Variants in FRK observed in about 807,000 individuals in gnomAD.
FRK encodes fyn related Src family tyrosine kinase.
FRK carries 51 observed loss-of-function variants against 56.4 expected under a neutral mutation model. The ratio of observed to expected loss-of-function variants is 0.90; its 90% CI spans 0.72 to 1.14. The LOEUF is 1.14. Ranked by LOEUF, FRK falls within the 50% of genes most tolerant of loss-of-function variation. The pLI, the probability that FRK is intolerant of heterozygous loss-of-function variation, is 0.00. For missense variants in FRK, 570 were observed against 601.4 expected (o/e 0.95, Z 0.55); for synonymous variants, 245 against 217.9 (o/e 1.12, Z -1.10).
the FRK span, among the ~76,000 whole-genome samples, chr6:116,068,901 C>G: frequency 6.6e-6 from 1 of 151,446 alleles, no homozygotes; most frequent in Non-Finnish European, 1.5e-5. Context: ...ACAAAATAGG[C>G]ACAGTATATC....
the FRK span, among the ~76,000 whole-genome samples, chr6:116,074,318 G>C: frequency 6.6e-6 from 1 of 152,158 alleles, no homozygotes; most frequent in Non-Finnish European, 1.5e-5. Context: ...ACCAGGGACT[G>C]AGGGTCTCCA....
At chr6:116,046,341 T>C (rs1459076214) in intron 1 of FRK, among the ~76,000 whole-genome samples, 2 of 152,228 alleles carry the variant, frequency 1.3e-5, no homozygotes, top group Admixed American at 6.5e-5. Flanking sequence ...CATATGTTTA[T>C]TGCAGCACTG....
At chr6:116,069,345 T>G in the FRK span, among the ~76,000 whole-genome samples, 1 of 152,234 alleles carries the variant, frequency 6.6e-6, no homozygotes, top group Non-Finnish European at 1.5e-5. Context: ...TTCTTACTGT[T>G]CATCTTCAAG....
intron 1 of FRK, among the ~76,000 whole-genome samples, chr6:116,050,269 C>T (rs981905568): frequency 1.3e-5 from 2 of 152,152 alleles, no homozygotes; most frequent in African/African-American, 2.4e-5. Context: ...CAAGTCTCAA[C>T]ACCCACAAAA....
the FRK span, among the ~76,000 whole-genome samples, chr6:116,083,589 G>T: frequency 2.0e-4 from 31 of 152,156 alleles, no homozygotes; most frequent in Non-Finnish European, 1.5e-5. Flanking sequence ...ATCATCTAGA[G>T]GTTTTATTAA....
At chr6:116,004,881 G>A (rs991947622) in intron 1 of FRK, among the ~76,000 whole-genome samples, 3 of 151,972 alleles carry the variant, frequency 2.0e-5, no homozygotes, top group African/African-American at 4.8e-5. Flanking sequence ...CATAAAAATG[G>A]TCATCATCAT....
the FRK span, among the ~76,000 whole-genome samples, chr6:116,075,002 C>G: frequency 6.6e-6 from 1 of 152,140 alleles, no homozygotes; most frequent in Admixed American, 6.5e-5. Flanking sequence ...CTTGTGAGTG[C>G]TCAGAGAGAA....
chr6:115,984,808 T>C (rs1262486705), intron 2 of FRK, among the ~76,000 whole-genome samples: 1 of 151,890 alleles, frequency 6.6e-6, no homozygotes, highest in African/African-American at 2.4e-5. Context: ...AATCACATGA[T>C]CAGTATCCAC....
At chr6:115,968,888 G>C (rs1773695903) in intron 2 of FRK, 149 bp from the exon 3 acceptor site, 1 of 688,076 alleles carries the variant, frequency 1.5e-6, no homozygotes, top group East Asian at 2.8e-5. Flanking sequence ...ATTTAAGAAA[G>C]TTTACAAAGG....
At chr6:116,054,183 T>A (rs533002951) in intron 1 of FRK, among the ~76,000 whole-genome samples, 2 of 151,314 alleles carry the variant, frequency 1.3e-5, no homozygotes, top group African/African-American at 4.8e-5. Context: ...TGAGATGAAA[T>A]TTTTTGATAA....
At position 115,934,332 on chromosome 6, in the gene FRK, A is replaced by G. The variant is rs1315289992; in HGVS notation, c.*8082T>C. ...CAATCAGCACATAACATTCACATTA[A>G]GCCTATTTTTGGTCCATGGCTGGGC... On this transcript the variant is annotated 3_prime_UTR_variant, in exon 8 of 8. Transcript: ENST00000606080. 1.3e-5 allele frequency: 2 copies of G among 152,212 alleles called. No homozygotes were observed. Among genetic ancestry groups the G allele is most frequent in the South Asian group, 4.1e-4 (2 of 4,826 alleles). The allele number at this position is 152,212 out of a possible 1,614,324, so 9.4% of individuals were successfully genotyped here.
At chr6:116,059,902 G>T in intron 1 of FRK, 66 bp downstream of exon 1, 1 of 1,350,924 alleles carries the variant, frequency 7.4e-7, no homozygotes, top group Non-Finnish European at 1.0e-6. Context: ...TAGAGAAGTA[G>T]AAAGGAAAAC....
At chr6:115,976,027 C>T (rs918797868) in intron 2 of FRK, among the ~76,000 whole-genome samples, 4 of 151,988 alleles carry the variant, frequency 2.6e-5, no homozygotes, top group Non-Finnish European at 4.4e-5. Flanking sequence ...GTAACTGGTT[C>T]GGGAGAGGAT....
the FRK span, among the ~76,000 whole-genome samples, chr6:116,083,506 A>C: frequency 6.6e-6 from 1 of 152,218 alleles, no homozygotes; most frequent in African/African-American, 2.4e-5. Context: ...CTAGTGCCTA[A>C]GTGAAGGGTT....
intron 1 of FRK, among the ~76,000 whole-genome samples, chr6:116,043,692 GCAAA>G (rs1292684786): frequency 6.6e-6 from 1 of 151,980 alleles, no homozygotes; most frequent in African/African-American, 2.4e-5. Context: ...AGACGCAAGA[GCAAA>G]CAAATTCAAA....
the FRK span, among the ~76,000 whole-genome samples, chr6:116,067,180 G>A: frequency 7.9e-5 from 12 of 152,126 alleles, 1 homozygote; most frequent in East Asian, 2.3e-3. Context: ...GCATCTGCAG[G>A]CCAAGGAATA....
chr6:116,002,867 T>G (rs896224681), intron 2 of FRK: 3 of 347,166 alleles, frequency 8.6e-6, no homozygotes, highest in Admixed American at 6.4e-5. Context: ...GACTACCAGG[T>G]GTGGAGAAGG....
intron 1 of FRK, among the ~76,000 whole-genome samples, chr6:116,006,434 G>A (rs749382286): frequency 6.6e-6 from 1 of 152,160 alleles, no homozygotes; most frequent in Non-Finnish European, 1.5e-5. Flanking sequence ...GTGGTAGTAC[G>A]ATTTGGTACA....
intron 6 of FRK, 57 bp from the exon 7 acceptor site, chr6:115,943,242 C>A (rs1167975459): frequency 8.9e-6 from 11 of 1,240,544 alleles, no homozygotes; most frequent in East Asian, 2.5e-5. Flanking sequence ...TTTTTGCTAA[C>A]CTCATTCATC....
Sources: allele counts gnomAD v4.1 joint callset (sites outside exome capture counted in the v4.1 genomes callset), GRCh38; gene constraint gnomAD v4.1.1; transcripts MANE v1.5; gene names NCBI Gene and HGNC (gene_info 2026-07-23, HGNC 2026-07-21).